The following UNC5D variants were observed in gnomAD, a reference collection of about 807,000 sequenced individuals.
UNC5D encodes the protein unc-5 netrin receptor D.
UNC5D carries 39 observed loss-of-function variants against 105.4 expected under a neutral mutation model. The observed-to-expected ratio is 0.37, with a 90% CI of 0.29 to 0.48. The LOEUF (loss-of-function observed/expected upper bound fraction) is 0.48, where lower values mean the gene tolerates loss of function less well. Ranked by LOEUF, UNC5D falls within the 20% of genes least tolerant of loss-of-function variation. The pLI, the probability that UNC5D is intolerant of heterozygous loss-of-function variation, is 0.98. For missense variants in UNC5D, 991 were observed against 1,202.4 expected (o/e 0.82, Z 2.60); for synonymous variants, 452 against 450.4 (o/e 1.00, Z -0.04).
chr8:35,452,011 A>G (rs575945473), intron 1 of UNC5D, among the ~76,000 whole-genome samples: 32 of 152,298 alleles, frequency 2.1e-4, no homozygotes, highest in African/African-American at 7.7e-4. Flanking sequence ...TTGTTTAATT[A>G]AAAGCTTGTA....
chr8:35,647,245 G>A (rs543051488), intron 4 of UNC5D, among the ~76,000 whole-genome samples: 20 of 152,270 alleles, frequency 1.3e-4, no homozygotes, highest in African/African-American at 4.8e-4. Context: ...TACACATAGA[G>A]CAGAGCTATT....
chr8:35,416,106 G>T (rs1050398125), intron 1 of UNC5D, among the ~76,000 whole-genome samples: 1 of 151,978 alleles, frequency 6.6e-6, no homozygotes, highest in African/African-American at 2.4e-5. Flanking sequence ...ACCCTGATGT[G>T]ATTATTATGC....
chr8:35,631,099 G>GCTCA (rs1362978438), intron 4 of UNC5D, among the ~76,000 whole-genome samples: 1 of 152,216 alleles, frequency 6.6e-6, no homozygotes, highest in African/African-American at 2.4e-5. Context: ...GATTGCCTGA[G>GCTCA]CTCAGGAGTT....
At chr8:35,249,861 G>A (rs1803572611) in intron 1 of UNC5D, among the ~76,000 whole-genome samples, 1 of 151,854 alleles carries the variant, frequency 6.6e-6, no homozygotes, top group African/African-American at 2.4e-5. Context: ...TCAGTGAAGT[G>A]TCTTGCTGCT....
intron 4 of UNC5D, among the ~76,000 whole-genome samples, chr8:35,646,659 T>G (rs1014316669): frequency 6.6e-6 from 1 of 152,100 alleles, no homozygotes; most frequent in African/African-American, 2.4e-5. Context: ...TATATAAATG[T>G]GTATCTGTAA....
At position 35,789,895 on chromosome 8, in the gene UNC5D, A is replaced by AACACACACACAC. The variant is rs56702865; in HGVS notation, c.2658-438_2658-427dup. Among the ~76,000 whole-genome samples the AACACACACACAC allele has an allele frequency of 1.2e-3, 172 of 142,772 alleles. 1 individual carries two copies. The highest frequency in any genetic ancestry group is 0.011 in the Middle Eastern group (3 of 282). 93.7% of individuals were successfully genotyped at this position (142,772 alleles called of 152,430 possible). On this transcript the variant is annotated intron_variant, in intron 16 of 16. Coordinates refer to ENST00000404895, the MANE Select transcript of UNC5D (RefSeq NM_080872.4). ...ATGTCAAGGGGATAGTCAAGAAGAA[A>AACACACACACAC]ACACACACACACACACACACACACA...
intron 4 of UNC5D, among the ~76,000 whole-genome samples, chr8:35,676,456 G>A (rs903309257): frequency 2.0e-5 from 3 of 152,184 alleles, no homozygotes; most frequent in African/African-American, 7.2e-5. Flanking sequence ...AAGATGACCT[G>A]TTAGCAGGAG....
chr8:35,294,854 G>A (rs4255132), intron 1 of UNC5D, among the ~76,000 whole-genome samples: 67,904 of 151,862 alleles, frequency 0.45, 15,593 homozygotes, highest in East Asian at 0.7. Context: ...GGAACACTCA[G>A]CATCACTAGT....
At chr8:35,411,732 T>A (rs867810012) in intron 1 of UNC5D, among the ~76,000 whole-genome samples, 3 of 152,174 alleles carry the variant, frequency 2.0e-5, no homozygotes, top group African/African-American at 7.2e-5. Flanking sequence ...ATATGTATAT[T>A]TATTCATTTT....
intron 1 of UNC5D, among the ~76,000 whole-genome samples, chr8:35,544,867 T>G (rs1251334223): frequency 6.6e-6 from 1 of 151,902 alleles, no homozygotes; most frequent in African/African-American, 2.4e-5. Context: ...CCTCCCAGAG[T>G]GCTGGGATTA....
intron 1 of UNC5D, among the ~76,000 whole-genome samples, chr8:35,383,407 A>G (rs890783059): frequency 6.6e-6 from 1 of 152,238 alleles, no homozygotes; most frequent in Non-Finnish European, 1.5e-5. Flanking sequence ...AGGAATGAAG[A>G]TGACTAGGCA....
chr8:35,245,142 A>G (rs906399301), intron 1 of UNC5D, among the ~76,000 whole-genome samples: 2 of 152,068 alleles, frequency 1.3e-5, no homozygotes, highest in South Asian at 2.1e-4. Context: ...TATGTGCTTT[A>G]TTTTTACTTT....
chr8:35,541,677 A>G (rs770130878), intron 1 of UNC5D, among the ~76,000 whole-genome samples: 1 of 151,084 alleles, frequency 6.6e-6, no homozygotes, highest in Non-Finnish European at 1.5e-5. Flanking sequence ...TCTGTACCCA[A>G]TGACACTTTG....
chr8:35,298,876 A>C (rs1456885964), intron 1 of UNC5D, among the ~76,000 whole-genome samples: 1 of 152,236 alleles, frequency 6.6e-6, no homozygotes, highest in Non-Finnish European at 1.5e-5. Flanking sequence ...TTAGGTTAGA[A>C]GAAACATGTG....
chr8:35,421,160 G>A (rs528050683), intron 1 of UNC5D, among the ~76,000 whole-genome samples: 4 of 152,186 alleles, frequency 2.6e-5, no homozygotes, highest in Admixed American at 6.5e-5. Flanking sequence ...TTATCTAAAC[G>A]TGCCTCAGTG....
intron 15 of UNC5D, among the ~76,000 whole-genome samples, chr8:35,768,170 C>A (rs544294598): frequency 6.6e-5 from 10 of 152,072 alleles, no homozygotes; most frequent in African/African-American, 2.4e-4. Context: ...CATTTGAATT[C>A]ATTGTTTATG....
At chr8:35,711,922 C>CAATT (rs1172116778) in intron 8 of UNC5D, among the ~76,000 whole-genome samples, 1 of 152,188 alleles carries the variant, frequency 6.6e-6, no homozygotes, top group African/African-American at 2.4e-5. Context: ...TGTAGATATT[C>CAATT]AATTAATATT....
intron 1 of UNC5D, among the ~76,000 whole-genome samples, chr8:35,386,285 T>C (rs1408713998): frequency 6.6e-6 from 1 of 152,218 alleles, no homozygotes; most frequent in African/African-American, 2.4e-5. Context: ...CAACAAGGAA[T>C]TATTAAAATT....
In UNC5D at chr8:35,312,828, C is replaced by T. The variant is rs528468258; in HGVS notation, c.103+76941C>T. The stretch of plus-strand genomic sequence containing the variant: ...GATAGTATTCCGTAATATAAACTCT[C>T]ACTAAATAGTCACTGTTGTGTAACA... On this transcript the variant is annotated intron_variant, in intron 1 of 16. Coordinates refer to ENST00000404895, the MANE Select transcript of UNC5D (RefSeq NM_080872.4). 9.8e-5 allele frequency among the ~76,000 whole-genome samples: 15 copies of T among 152,298 alleles called. No homozygotes were observed. The East Asian group carries it at 2.9e-3, about 29-fold the overall frequency.
Sources: allele counts gnomAD v4.1 joint callset (sites outside exome capture counted in the v4.1 genomes callset), GRCh38; gene constraint gnomAD v4.1.1; transcripts MANE v1.5; gene names NCBI Gene and HGNC (gene_info 2026-07-23, HGNC 2026-07-21).